The following MYO5A variants were observed in gnomAD, a reference collection of about 807,000 sequenced individuals.
The protein encoded by MYO5A is unconventional myosin-Va.
A neutral mutation model predicts 249.7 loss-of-function variants in MYO5A; 98 were observed. The ratio of observed to expected loss-of-function variants is 0.39; its 90% CI spans 0.33 to 0.46. MYO5A has a LOEUF of 0.46. Ranked by LOEUF, MYO5A falls within the 20% of genes least tolerant of loss-of-function variation. The pLI, the probability that MYO5A is intolerant of heterozygous loss-of-function variation, is 0.98. For synonymous variants in MYO5A, 778 were observed against 810.6 expected (o/e 0.96, Z 0.68); for missense variants, 1,696 against 2,308.8 (o/e 0.73, Z 5.44).
chr15:52,406,522 C>G (rs571904464), intron 8 of MYO5A, among the ~76,000 whole-genome samples: 3 of 152,324 alleles, frequency 2.0e-5, no homozygotes, highest in Non-Finnish European at 4.4e-5. Context: ...GCATTTCTAG[C>G]AAGGCCCACA....
chr15:52,372,053 C>G (rs894122407), intron 21 of MYO5A, 71 bp downstream of exon 21: 2 of 1,607,818 alleles, frequency 1.2e-6, no homozygotes, highest in East Asian at 4.5e-5. Flanking sequence ...CAAAGAAAAA[C>G]AATATTGAAA....
chr15:52,382,580 T>C (rs945017662), intron 16 of MYO5A, among the ~76,000 whole-genome samples: 24 of 152,118 alleles, frequency 1.6e-4, no homozygotes, highest in South Asian at 1.0e-3. Flanking sequence ...TCAAAATAAA[T>C]AAATACATAC....
At chr15:52,317,251 C>G in intron 39 of MYO5A, 29 bp from the exon 40 acceptor site, 1 of 1,609,684 alleles carries the variant, frequency 6.2e-7, no homozygotes. Context: ...ACAGAGAATG[C>G]AAATTTGCTG....
At chr15:52,440,345 G>A (rs992688858) in intron 1 of MYO5A, among the ~76,000 whole-genome samples, 1 of 151,232 alleles carries the variant, frequency 6.6e-6, no homozygotes, top group African/African-American at 2.4e-5. Flanking sequence ...TCTGCTCACT[G>A]CTACCTTTGC....
intron 36 of MYO5A, among the ~76,000 whole-genome samples, chr15:52,325,564 G>A (rs957856345): frequency 2.0e-5 from 3 of 151,942 alleles, no homozygotes; most frequent in African/African-American, 7.2e-5. Flanking sequence ...ACCATGCTTG[G>A]CTAATTTTTT....
chr15:52,418,740 G>C (rs1465596753), intron 4 of MYO5A, among the ~76,000 whole-genome samples: 1 of 149,730 alleles, frequency 6.7e-6, no homozygotes, highest in Admixed American at 6.7e-5. Context: ...TAGAGAAAGA[G>C]AGAAAGAGAG....
intron 1 of MYO5A, among the ~76,000 whole-genome samples, chr15:52,504,054 CTT>C (rs71425753): frequency 8.1e-6 from 1 of 122,956 alleles, no homozygotes. Context: ...GTTTCTCCTT[CTT>C]TTTTTTTTTT....
chr15:52,348,874 C>A lies in MYO5A; in HGVS notation c.3850-48G>T, dbSNP rs1168425436. The A allele has an allele frequency of 3.8e-6, 6 of 1,588,994 alleles. No homozygotes were observed. The East Asian group carries it at 6.7e-5, about 18-fold the overall frequency. On this transcript the variant is annotated intron_variant, in intron 28 of 41. Transcript: ENST00000399233. ...CACAAAAAACAGAGAAAACAATAAA[C>A]CCTTAGTTCCATAAATAAATTTCAT...
rs764090863 is a variant in MYO5A at position 52,384,211 on chromosome 15, C to T, written c.1864G>A (p.Gly622Ser). 2 of 1,614,038 alleles carry T rather than the reference C, an allele frequency of 1.2e-6. No homozygotes were observed. Among genetic ancestry groups the T allele is most frequent in the South Asian group, 1.1e-5 (1 of 91,084 alleles). The change falls in exon 15 of 42, where the codon GGC (glycine) becomes AGC (serine). Residue 622 changes from glycine (G) to serine (S), a missense_variant. Physicochemically the swap from Gly to Ser is moderately conservative, Grantham distance 56. Coordinates refer to ENST00000399233, the MANE Select transcript of MYO5A (RefSeq NM_001382347.1). ...LTRTPAKPTK[G>S]RPGQMAKEHK... The stretch of plus-strand genomic sequence containing the variant: ...TCTTTGGCCATTTGGCCTGGTCTGC[C>T]TTTGGTGGGCTTTGCAGGAGTTCGT...
chr15:52,473,423 C>T (rs2076520450), intron 1 of MYO5A, among the ~76,000 whole-genome samples: 1 of 152,178 alleles, frequency 6.6e-6, no homozygotes, highest in Admixed American at 6.5e-5. Context: ...TCAATTTTGG[C>T]TTTTGTTGCC....
At chr15:52,378,546 C>T (rs545749307) in intron 18 of MYO5A, among the ~76,000 whole-genome samples, 3 of 33,008 alleles carry the variant, frequency 9.1e-5, no homozygotes, top group African/African-American at 1.2e-4. Flanking sequence ...GGAATTGGGG[C>T]AAACTCAAAA....
At chr15:52,480,163 C>CA (rs1301996487) in intron 1 of MYO5A, among the ~76,000 whole-genome samples, 1 of 152,132 alleles carries the variant, frequency 6.6e-6, no homozygotes, top group Non-Finnish European at 1.5e-5. Flanking sequence ...TAATTTTCTA[C>CA]AACATGTCTA....
At chr15:52,380,532 C>T (rs2041682123) in intron 16 of MYO5A, among the ~76,000 whole-genome samples, 1 of 151,996 alleles carries the variant, frequency 6.6e-6, no homozygotes, top group South Asian at 2.1e-4. Context: ...CTTTAGGAGG[C>T]CAAGGGCAGG....
intron 1 of MYO5A, among the ~76,000 whole-genome samples, chr15:52,440,196 C>T (rs1316903649): frequency 6.6e-6 from 1 of 152,194 alleles, no homozygotes; most frequent in East Asian, 1.9e-4. Flanking sequence ...CCCAGCACTG[C>T]CCTTGCACCT....
chr15:52,408,385 G>A (rs2043101799), intron 6 of MYO5A, among the ~76,000 whole-genome samples: 3 of 152,212 alleles, frequency 2.0e-5, no homozygotes, highest in Admixed American at 6.5e-5. Context: ...TTCTGAACTA[G>A]TGAACAGCTT....
chr15:52,385,949 TATG>T, intron 14 of MYO5A, among the ~76,000 whole-genome samples: 1 of 152,154 alleles, frequency 6.6e-6, no homozygotes, highest in East Asian at 1.9e-4. Context: ...ATACCCACCT[TATG>T]ATGACTAAGG....
At chr15:52,473,103 T>C (rs948070945) in intron 1 of MYO5A, among the ~76,000 whole-genome samples, 18 of 152,232 alleles carry the variant, frequency 1.2e-4, no homozygotes, top group Non-Finnish European at 2.2e-4. Context: ...TGTGAGATGG[T>C]ATCTCATTGT....
At chr15:52,480,874 A>G (rs1260031531) in intron 1 of MYO5A, among the ~76,000 whole-genome samples, 1 of 152,184 alleles carries the variant, frequency 6.6e-6, no homozygotes, top group African/African-American at 2.4e-5. Flanking sequence ...CCATTTACCC[A>G]AATGCAGTCA....
At chr15:52,349,221 C>T (rs1382218375) in intron 28 of MYO5A, among the ~76,000 whole-genome samples, 1 of 152,128 alleles carries the variant, frequency 6.6e-6, no homozygotes, top group Non-Finnish European at 1.5e-5. Flanking sequence ...AGGGAAGATT[C>T]CCAGAATACT....
Sources: gnomAD v4.1 joint callset for allele counts (sites outside exome capture counted in the v4.1 genomes callset) on GRCh38, gnomAD v4.1.1 for gene constraint, MANE v1.5 for transcripts, NCBI Gene and HGNC (gene_info 2026-07-23, HGNC 2026-07-21) for gene names.